The following RASA2 variants were observed in gnomAD, a reference collection of about 807,000 sequenced individuals.
The protein encoded by RASA2 is ras GTPase-activating protein 2.
RASA2 carries 155 observed loss-of-function variants against 118.2 expected under a neutral mutation model. The ratio of observed to expected loss-of-function variants is 1.31; its 90% CI spans 1.15 to 1.50. The LOEUF is 1.50. Among genes scored for constraint, RASA2 ranks in the 40% most tolerant of loss-of-function variants. RASA2 has a pLI of 0.00. For synonymous variants in RASA2, 353 were observed against 349.1 expected (o/e 1.01, Z -0.12); for missense variants, 1,016 against 1,009.6 (o/e 1.01, Z -0.09).
chr3:141,558,089 T>A (rs1484901152), intron 7 of RASA2, among the ~76,000 whole-genome samples: 1 of 152,132 alleles, frequency 6.6e-6, no homozygotes, highest in African/African-American at 2.4e-5. Context: ...AGAAACTAAT[T>A]TCTGCGACTC....
At chr3:141,527,482 AG>A (rs2082201097) in intron 3 of RASA2, among the ~76,000 whole-genome samples, 1 of 152,124 alleles carries the variant, frequency 6.6e-6, no homozygotes, top group Non-Finnish European at 1.5e-5. Flanking sequence ...CTTCAGCTAT[AG>A]GATGTATAGA....
At chr3:141,513,608 A>G (rs1261956269) in intron 2 of RASA2, among the ~76,000 whole-genome samples, 1 of 152,190 alleles carries the variant, frequency 6.6e-6, no homozygotes, top group Non-Finnish European at 1.5e-5. Flanking sequence ...AATTAATTAG[A>G]AGGCTCTAGT....
Position 141,512,156 on chromosome 3 carries a change from C to A in RASA2, c.134-7C>A. ...TTTAATAACAATTTTAAATTTTATGCCAACAGGTGAAGCAAAAAATTTATT... is the reference window on the plus strand; with the variant it reads ...TTTAATAACAATTTTAAATTTTATGACAACAGGTGAAGCAAAAAATTTATT... On this transcript the variant is annotated splice_polypyrimidine_tract_variant and splice_region_variant and intron_variant, in intron 1 of 23. Transcript: ENST00000286364. 1 of 1,583,640 alleles carries A rather than the reference C, an allele frequency of 6.3e-7. No homozygotes were observed. The highest frequency in any genetic ancestry group is 8.7e-7 in the Non-Finnish European group (1 of 1,155,986).
In RASA2 at chr3:141,553,925, T is replaced by C; in HGVS notation, c.596T>C (p.Leu199Pro). ...TGTGACCCTTATGCAACAGTTTCTC[T>C]AGTGGGCCCTTCTAGGTAATATTTA... ...QSCDPYATVS[L>P]VGPSRNDQKK... The change falls in exon 6 of 24, where the codon CTA (leucine) becomes CCA (proline). Residue 199 changes from leucine (L) to proline (P), a missense_variant. Leu to Pro is a moderately conservative substitution (Grantham distance 98). Coordinates refer to ENST00000286364, the MANE Select transcript of RASA2 (RefSeq NM_006506.5). 1 of 1,611,954 alleles carries C rather than the reference T, an allele frequency of 6.2e-7. No individual in the cohort carries two copies. The highest frequency in any genetic ancestry group is 8.5e-7 in the Non-Finnish European group (1 of 1,178,780).
At chr3:141,521,484 T>C (rs2082110502) in intron 3 of RASA2, among the ~76,000 whole-genome samples, 1 of 152,224 alleles carries the variant, frequency 6.6e-6, no homozygotes, top group South Asian at 2.1e-4. Flanking sequence ...GTAATTTTCG[T>C]CTCTTTACAT....
At chr3:141,605,443 T>A (rs1021520743) in intron 19 of RASA2, among the ~76,000 whole-genome samples, 3 of 152,166 alleles carry the variant, frequency 2.0e-5, no homozygotes, top group African/African-American at 7.2e-5. Context: ...TTAACCCTAA[T>A]GATATCATGA....
chr3:141,607,636 T>C (rs1260255520), intron 19 of RASA2, 42 bp from the exon 20 acceptor site: 12 of 1,519,892 alleles, frequency 7.9e-6, no homozygotes, highest in Admixed American at 2.2e-5. Context: ...ATAATTCTGA[T>C]GGAAATTACT....
At chr3:141,562,176 A>T (rs1411387333) in intron 9 of RASA2, among the ~76,000 whole-genome samples, 7 of 147,744 alleles carry the variant, frequency 4.7e-5, no homozygotes, top group South Asian at 2.2e-4. Context: ...CTGGTCTTGA[A>T]CTCCTGACCT....
intron 6 of RASA2, among the ~76,000 whole-genome samples, chr3:141,554,669 C>G (rs2082622177): frequency 6.6e-6 from 1 of 152,150 alleles, no homozygotes; most frequent in Non-Finnish European, 1.5e-5. Flanking sequence ...TTCCCCATCC[C>G]CAGAATCTCT....
At chr3:141,518,833 C>T (rs2082069713) in intron 3 of RASA2, among the ~76,000 whole-genome samples, 1 of 152,058 alleles carries the variant, frequency 6.6e-6, no homozygotes, top group Non-Finnish European at 1.5e-5. Context: ...TTATTTCATA[C>T]ATTTGTATTA....
chr3:141,500,134 G>T (rs952949230), intron 1 of RASA2, among the ~76,000 whole-genome samples: 1 of 152,206 alleles, frequency 6.6e-6, no homozygotes, highest in African/African-American at 2.4e-5. Flanking sequence ...TTCCAGTGGT[G>T]TTTTCAAGAT....
At position 141,586,164 on chromosome 3, in the gene RASA2, G is replaced by A. The variant is rs141835822; in HGVS notation, c.1826+66G>A. 225 of 1,417,070 alleles carry A rather than the reference G, an allele frequency of 1.6e-4. No homozygotes were observed. The East Asian group carries it at 1.6e-3, about 10-fold the overall frequency. The allele number at this position is 1,417,070 out of a possible 1,614,324, so 87.8% of individuals were successfully genotyped here. A position where few individuals can be genotyped will look rare whatever the true frequency, so the allele number is the denominator to read the frequency against. On this transcript the variant is annotated intron_variant, in intron 18 of 23. Transcript: ENST00000286364. ...TAGATATTAAGTAAGTACAAAGAGC[G>A]TGGGTCTAAGAGTGAGGAGATCTGG... is the stretch of plus-strand genomic sequence containing the variant.
intron 2 of RASA2, among the ~76,000 whole-genome samples, chr3:141,514,534 G>C (rs2081995944): frequency 6.6e-6 from 1 of 152,142 alleles, no homozygotes; most frequent in Admixed American, 6.5e-5. Flanking sequence ...CACTAGAATA[G>C]CTAAAGTTAA....
At chr3:141,582,458 T>A (rs2083130424) in intron 17 of RASA2, among the ~76,000 whole-genome samples, 1 of 152,166 alleles carries the variant, frequency 6.6e-6, no homozygotes, top group Non-Finnish European at 1.5e-5. Context: ...TGTCTTTTGT[T>A]TGAGGGTTGT....
At position 141,487,311 on chromosome 3, in the gene RASA2, C is replaced by G. The variant is rs964268229; in HGVS notation, c.133+95C>G. Reference sequence around the variant, plus strand: ...GCGGCGGTGGCGGCGCCGAGCTGCGCTGGGATCGCGGGCCCGGGAGGGGGC... The same window carrying G: ...GCGGCGGTGGCGGCGCCGAGCTGCGGTGGGATCGCGGGCCCGGGAGGGGGC... On this transcript the variant is annotated intron_variant, in intron 1 of 23. Coordinates refer to ENST00000286364, the MANE Select transcript of RASA2 (RefSeq NM_006506.5). 87 of 1,178,874 alleles carry G rather than the reference C, an allele frequency of 7.4e-5. 1 individual carries two copies. The African/African-American group carries it at 1.2e-3, about 16-fold the overall frequency. The allele number at this position is 1,178,874 out of a possible 1,614,324, so 73.0% of individuals were successfully genotyped here.
rs1038471544 is a variant in RASA2 at position 141,572,600 on chromosome 3, C to T, written c.1170-9C>T. The T allele has an allele frequency of 6.3e-7, 1 of 1,589,102 alleles. No homozygotes were observed. Among genetic ancestry groups the T allele is most frequent in the Non-Finnish European group, 8.6e-7 (1 of 1,157,704 alleles). ...TTACTACATTTGGTTTCATCTATTT[C>T]TATTTCAGAGATGCAAACACAATTT... On this transcript the variant is annotated splice_polypyrimidine_tract_variant and intron_variant, in intron 11 of 23. Transcript: ENST00000286364.
At chr3:141,578,591 G>A (rs1409901151) in intron 15 of RASA2, 1 of 152,248 alleles carries the variant, frequency 6.6e-6, no homozygotes, top group Non-Finnish European at 1.5e-5. Context: ...CTTGCCAAAG[G>A]ATAAATGGTC....
chr3:141,556,596 A>G (rs1361359123), intron 7 of RASA2, among the ~76,000 whole-genome samples: 1 of 152,050 alleles, frequency 6.6e-6, no homozygotes, highest in Non-Finnish European at 1.5e-5. Flanking sequence ...TCTTTGGAGC[A>G]TTTGTTAAAG....
chr3:141,584,422 T>C (rs922939071), intron 17 of RASA2, among the ~76,000 whole-genome samples: 12 of 149,776 alleles, frequency 8.0e-5, no homozygotes, highest in African/African-American at 2.7e-4. Context: ...AGCCAAATAC[T>C]AAAAAGCCCT....
Sources: gnomAD v4.1 joint callset for allele counts (sites outside exome capture counted in the v4.1 genomes callset) on GRCh38, gnomAD v4.1.1 for gene constraint, MANE v1.5 for transcripts, NCBI Gene and HGNC (gene_info 2026-07-23, HGNC 2026-07-21) for gene names.